The following MEST variants were observed in gnomAD, a reference collection of about 807,000 sequenced individuals.
The protein encoded by MEST is mesoderm-specific transcript homolog protein.
A neutral mutation model predicts 50.9 loss-of-function variants in MEST; 18 were observed. The observed-to-expected ratio is 0.35, with a 90% CI of 0.24 to 0.52. The LOEUF is 0.52. Ranked by LOEUF, MEST falls within the 20% of genes least tolerant of loss-of-function variation. The pLI is 0.94. For missense variants in MEST, 282 were observed against 425.3 expected (o/e 0.66, Z 2.96); for synonymous variants, 130 against 154.1 (o/e 0.84, Z 1.16).
chr7:130,501,152 CT>C (rs1799263262), intron 9 of MEST: 2 of 311,398 alleles, frequency 6.4e-6, no homozygotes, highest in Admixed American at 4.8e-5. Flanking sequence ...GTACAAGGCT[CT>C]TCCTTTTGCC....
intron 1 of MEST, chr7:130,494,898 T>C (rs1584941739): frequency 1.1e-6 from 1 of 949,894 alleles, no homozygotes. Context: ...ATAGCACATA[T>C]ATATTTTTTG....
intron 1 of MEST, 127 bp from the exon 2 acceptor site, chr7:130,495,241 A>G (rs534612303): frequency 2.2e-6 from 2 of 899,642 alleles, no homozygotes; most frequent in East Asian, 2.6e-5. Context: ...CTTTGTGCCT[A>G]TGTGAAGGGC....
Position 130,505,616 on chromosome 7 carries a change from A to G in MEST, c.*560A>G, listed in dbSNP as rs1184832649. ...AGTTATAAACATTTTGTTAAAATAG[A>G]TATTGGTTTAAATGATACAGTATTT... is the stretch of plus-strand genomic sequence containing the variant. On this transcript the variant is annotated 3_prime_UTR_variant, in exon 12 of 12. Coordinates refer to ENST00000223215, the MANE Select transcript of MEST (RefSeq NM_002402.4). 6.6e-6 allele frequency: 1 copy of G among 152,412 alleles called. No individual in the cohort carries two copies. Among genetic ancestry groups the G allele is most frequent in the Non-Finnish European group, 1.5e-5 (1 of 68,214 alleles). The allele number at this position is 152,412 out of a possible 1,614,324, so 9.4% of individuals were successfully genotyped here. A position where few individuals can be genotyped will look rare whatever the true frequency, so the allele number is the denominator to read the frequency against.
chr7:130,496,054 G>C, intron 2 of MEST: 2 of 466,576 alleles, frequency 4.3e-6, no homozygotes, highest in Non-Finnish European at 8.9e-6. Flanking sequence ...TTTGGAGATA[G>C]GTGCCATTAA....
intron 9 of MEST, chr7:130,501,107 C>A: frequency 2.3e-6 from 1 of 432,042 alleles, no homozygotes; most frequent in Non-Finnish European, 4.1e-6. Context: ...AGTATTGAAT[C>A]ATGGTTGTGA....
chr7:130,495,623 TGGA>T (rs1172380964), intron 2 of MEST, 101 bp downstream of exon 2: 2 of 1,187,250 alleles, frequency 1.7e-6, no homozygotes, highest in African/African-American at 3.1e-5. Context: ...TCCTTAATGA[TGGA>T]GGAGAGTATC....
intron 9 of MEST, among the ~76,000 whole-genome samples, chr7:130,501,908 A>T (rs1326797522): frequency 4.6e-5 from 7 of 151,964 alleles, no homozygotes; most frequent in African/African-American, 1.7e-4. Context: ...GAATTGCTTG[A>T]GCCCAGGAAG....
chr7:130,501,970 G>A (rs1554438583), intron 9 of MEST, among the ~76,000 whole-genome samples: 1 of 148,878 alleles, frequency 6.7e-6, no homozygotes, highest in Non-Finnish European at 1.5e-5. Flanking sequence ...CCTGGGCACA[G>A]AGTGAGACTC....
chr7:130,505,570 A>T lies in MEST; in HGVS notation c.*514A>T, dbSNP rs1332300050. The T allele has an allele frequency of 2.6e-5, 4 of 152,548 alleles. No homozygotes were observed. Among genetic ancestry groups the T allele is most frequent in the African/African-American group, 9.7e-5 (4 of 41,450 alleles). 9.4% of individuals were successfully genotyped at this position (152,548 alleles called of 1,614,324 possible). ...TCCTCTTTGTCATACCTTTGGATTTAGTGTTTCATCAGCTGTTTTTAGTTA... is the reference window on the plus strand; with the variant it reads ...TCCTCTTTGTCATACCTTTGGATTTTGTGTTTCATCAGCTGTTTTTAGTTA... On this transcript the variant is annotated 3_prime_UTR_variant, in exon 12 of 12. Transcript: ENST00000223215.
At position 130,492,284 on chromosome 7, in the gene MEST, C is replaced by G; in HGVS notation, c.-30C>G. ...CTGCGGCGCCCGGTGCTCTGCAACG[C>G]TGCGGCGGGCGGCATGGGATAACGC... On this transcript the variant is annotated 5_prime_UTR_variant, in exon 1 of 12. Coordinates refer to ENST00000223215, the MANE Select transcript of MEST (RefSeq NM_002402.4). This position sits in a 1 kb window ranked among gnomAD's most constrained non-coding sequence, Gnocchi z 7.6. 7.4e-7 allele frequency: 1 copy of G among 1,347,696 alleles called. No individual in the cohort carries two copies. The highest frequency in any genetic ancestry group is 9.5e-7 in the Non-Finnish European group (1 of 1,050,782). The allele number at this position is 1,347,696 out of a possible 1,614,324, so 83.5% of individuals were successfully genotyped here. A position where few individuals can be genotyped will look rare whatever the true frequency, so the allele number is the denominator to read the frequency against.
At chr7:130,498,052 G>C (rs1799132259) in intron 4 of MEST, 39 bp downstream of exon 4, 1 of 1,613,790 alleles carries the variant, frequency 6.2e-7, no homozygotes, top group Non-Finnish European at 8.5e-7. Context: ...TGGGGTGTGG[G>C]GGCAGACGCA....
At chr7:130,499,441 G>A (rs1449561659) in intron 6 of MEST, among the ~76,000 whole-genome samples, 1 of 152,180 alleles carries the variant, frequency 6.6e-6, no homozygotes, top group African/African-American at 2.4e-5. Context: ...TGAGTGATAG[G>A]GGGAAATGCT....
chr7:130,503,856 G>A, intron 10 of MEST, 77 bp from the exon 11 acceptor site: 2 of 1,066,596 alleles, frequency 1.9e-6, no homozygotes, highest in East Asian at 2.4e-5. Flanking sequence ...TTTCTTTTCG[G>A]AGAGGAGTTA....
upstream of MEST, chr7:130,492,046 C>T (rs1364656463): frequency 2.3e-5 from 5 of 216,848 alleles, no homozygotes; most frequent in Non-Finnish European, 3.6e-5. The surrounding 1 kb of genome is among the most constrained non-coding windows in gnomAD (Gnocchi z 7.6). Context: ...GGGCGGGGCG[C>T]GGGTGGGCTC....
intron 9 of MEST, among the ~76,000 whole-genome samples, chr7:130,501,635 G>GA: frequency 6.6e-6 from 1 of 152,182 alleles, no homozygotes; most frequent in Non-Finnish European, 1.5e-5. Context: ...TCTTACGCTG[G>GA]AGAAAGAGGA....
intron 6 of MEST, chr7:130,498,888 A>T (rs782183820): frequency 5.3e-6 from 1 of 188,550 alleles, no homozygotes; most frequent in Non-Finnish European, 1.1e-5. Context: ...TTGAAGATAC[A>T]GAAAAAAGCC....
At chr7:130,491,434 T>C (rs570868866), upstream of MEST, 1 of 152,464 alleles carries the variant, frequency 6.6e-6, no homozygotes, top group East Asian at 1.9e-4. The surrounding 1 kb of genome is among the most constrained non-coding windows in gnomAD (Gnocchi z 6.8). Flanking sequence ...AACCGGACTT[T>C]GTGCAACTTT....
At chr7:130,496,999 A>G in intron 2 of MEST, 157 bp from the exon 3 acceptor site, 1 of 542,080 alleles carries the variant, frequency 1.8e-6, no homozygotes, top group South Asian at 2.6e-5. Context: ...TTCTCACCTA[A>G]CGCAGTTAAG....
intron 11 of MEST, 22 bp downstream of exon 11, chr7:130,504,018 C>A: frequency 6.3e-7 from 1 of 1,596,986 alleles, no homozygotes; most frequent in Non-Finnish European, 8.6e-7. Context: ...CGAGAGAAGT[C>A]TATGTTTTGT....
Sources: allele counts gnomAD v4.1 joint callset (sites outside exome capture counted in the v4.1 genomes callset), GRCh38; gene constraint gnomAD v4.1.1; non-coding constraint Gnocchi (gnomAD v3.1); transcripts MANE v1.5; gene names NCBI Gene and HGNC (gene_info 2026-07-23, HGNC 2026-07-21).